DACH2: variants seen among roughly 807,000 people sequenced by gnomAD.
The protein encoded by DACH2 is dachshund family transcription factor 2.
Under a neutral mutation model 35.8 loss-of-function variants are expected in DACH2, and 17 were observed. That is an observed-to-expected ratio of 0.48 (90% CI 0.33 to 0.71). The LOEUF is 0.71. Among genes scored for constraint, DACH2 ranks in the 30% least tolerant of loss-of-function variants. The pLI, the probability that DACH2 is intolerant of heterozygous loss-of-function variation, is 0.02. For missense variants in DACH2, 469 were observed against 472.7 expected (o/e 0.99, Z 0.07); for synonymous variants, 195 against 177.3 (o/e 1.10, Z -0.79).
intron 7 of DACH2, among the ~76,000 whole-genome samples, chrX:86,809,754 G>C (rs1283289495): frequency 9.1e-6 from 1 of 110,456 alleles, no homozygotes; most frequent in African/African-American, 3.3e-5. Flanking sequence ...TATGAACAAT[G>C]GGCCAAATAG....
chrX:86,193,336 G>T (rs1327966462), intron 1 of DACH2, among the ~76,000 whole-genome samples: 2 of 111,259 alleles, frequency 1.8e-5, no homozygotes, highest in African/African-American at 6.5e-5. Context: ...TGCTATTTTT[G>T]CATTTCTTAA....
intron 1 of DACH2, among the ~76,000 whole-genome samples, chrX:86,226,573 G>T (rs2032827948): frequency 9.0e-6 from 1 of 111,648 alleles, no homozygotes; most frequent in Admixed American, 9.5e-5. Context: ...ATCTAGAGTT[G>T]CATTACTTTT....
At chrX:86,427,944 T>C (rs764062243) in intron 2 of DACH2, among the ~76,000 whole-genome samples, 32 of 111,990 alleles carry the variant, frequency 2.9e-4, no homozygotes, top group Non-Finnish European at 5.1e-4. Context: ...AGTAGTTCTT[T>C]AATTTCAGAA....
At chrX:86,294,138 T>G (rs2148003511) in intron 1 of DACH2, among the ~76,000 whole-genome samples, 1 of 111,518 alleles carries the variant, frequency 9.0e-6, no homozygotes, top group South Asian at 3.8e-4. Context: ...TATTCTTTTT[T>G]CTCTAAACTT....
intron 3 of DACH2, among the ~76,000 whole-genome samples, chrX:86,618,758 T>C (rs1312761037): frequency 1.8e-5 from 2 of 112,204 alleles, no homozygotes; most frequent in African/African-American, 6.5e-5. Context: ...TACATTAGAT[T>C]TCCTACAATT....
At chrX:86,735,375 A>G (rs2022646) in intron 6 of DACH2, among the ~76,000 whole-genome samples, 4,036 of 111,832 alleles carry the variant, frequency 0.036, 184 homozygotes, top group African/African-American at 0.12. Context: ...CTTATAAAAA[A>G]CTAAATTTTC....
chrX:86,159,391 T>G (rs1254716491), intron 1 of DACH2, among the ~76,000 whole-genome samples: 1 of 111,957 alleles, frequency 8.9e-6, no homozygotes, highest in Non-Finnish European at 1.9e-5. Context: ...CTGTTAAGCT[T>G]GCTGCTTTGA....
intron 2 of DACH2, among the ~76,000 whole-genome samples, chrX:86,404,260 AC>A (rs746543838): frequency 1.8e-5 from 2 of 111,140 alleles, no homozygotes; most frequent in East Asian, 5.7e-4. Flanking sequence ...TCCAGCATTA[AC>A]TCAAAAGTCC....
At chrX:86,405,538 C>G (rs962161021) in intron 2 of DACH2, among the ~76,000 whole-genome samples, 1 of 111,500 alleles carries the variant, frequency 9.0e-6, no homozygotes, top group Non-Finnish European at 1.9e-5. Flanking sequence ...CAAAGCCATT[C>G]AACAAGTCTC....
intron 7 of DACH2, among the ~76,000 whole-genome samples, chrX:86,783,468 G>A (rs1476203215): frequency 1.8e-5 from 2 of 111,838 alleles, no homozygotes; most frequent in Middle Eastern, 4.6e-3. Context: ...GCACTCCTAC[G>A]TTTTTTGCAG....
At chrX:86,346,746 T>C (rs981744999) in intron 1 of DACH2, among the ~76,000 whole-genome samples, 1 of 111,976 alleles carries the variant, frequency 8.9e-6, no homozygotes, top group African/African-American at 3.2e-5. Context: ...TACTTTTTTG[T>C]GGTGATTGTA....
intron 3 of DACH2, among the ~76,000 whole-genome samples, chrX:86,531,203 A>T (rs1286439906): frequency 2.7e-5 from 3 of 112,128 alleles, no homozygotes; most frequent in Non-Finnish European, 5.6e-5. Flanking sequence ...CCTGACCATG[A>T]GGTAGAAAAG....
chrX:86,316,188 C>A (rs2148030969), intron 1 of DACH2, among the ~76,000 whole-genome samples: 1 of 110,279 alleles, frequency 9.1e-6, no homozygotes, highest in Non-Finnish European at 1.9e-5. Context: ...CAGACATCTT[C>A]TTACAGCTGC....
At chrX:86,476,508 T>C (rs1308206269) in intron 2 of DACH2, among the ~76,000 whole-genome samples, 2 of 111,774 alleles carry the variant, frequency 1.8e-5, no homozygotes, top group Admixed American at 9.5e-5. Flanking sequence ...ATTTTTCACC[T>C]CTGATTTTAT....
At chrX:86,158,376 C>T (rs759461129) in intron 1 of DACH2, among the ~76,000 whole-genome samples, 1 of 111,252 alleles carries the variant, frequency 9.0e-6, no homozygotes, top group African/African-American at 3.3e-5. Flanking sequence ...CAGTGGCAAC[C>T]AGTGAGTATG....
chrX:86,519,155 A>G (rs2038515488), intron 3 of DACH2, among the ~76,000 whole-genome samples: 1 of 112,146 alleles, frequency 8.9e-6, no homozygotes, highest in Admixed American at 9.4e-5. Context: ...TGAGATAATC[A>G]TGTGGTTTTT....
intron 11 of DACH2, among the ~76,000 whole-genome samples, chrX:86,825,589 G>A (rs1052086561): frequency 5.4e-5 from 6 of 111,897 alleles, no homozygotes; most frequent in Admixed American, 3.8e-4. Context: ...AAAGAGGATG[G>A]CATTCCATAT....
chrX:86,427,505 G>T (rs2036913671), intron 2 of DACH2, among the ~76,000 whole-genome samples: 2 of 110,944 alleles, frequency 1.8e-5, no homozygotes, highest in Admixed American at 9.6e-5. Context: ...ATAAATGTTA[G>T]AAATGAAAGT....
chrX:86,190,548 G>A (rs904319383), intron 1 of DACH2, among the ~76,000 whole-genome samples: 24 of 112,013 alleles, frequency 2.1e-4, no homozygotes, highest in Non-Finnish European at 4.5e-4. Flanking sequence ...ACAAACACGT[G>A]GCCAACAAGC....
Sources: gnomAD v4.1 joint callset for allele counts (sites outside exome capture counted in the v4.1 genomes callset) on GRCh38, gnomAD v4.1.1 for gene constraint, MANE v1.5 for transcripts, NCBI Gene and HGNC (gene_info 2026-07-23, HGNC 2026-07-21) for gene names.